The following EPB41L3 variants were observed in gnomAD, a reference collection of about 807,000 sequenced individuals.
The protein encoded by EPB41L3 is erythrocyte membrane protein band 4.1 like 3, also known as band 4.1-like protein 3.
In EPB41L3, 57 loss-of-function variants were observed where a neutral mutation model predicts 127.1. The observed-to-expected ratio is 0.45, with a 90% CI of 0.36 to 0.56. EPB41L3 has a LOEUF of 0.56. Among genes scored for constraint, EPB41L3 ranks in the 20% least tolerant of loss-of-function variants. The pLI, the probability that EPB41L3 is intolerant of heterozygous loss-of-function variation, is 0.00. For missense variants in EPB41L3, 1,273 were observed against 1,372.2 expected (o/e 0.93, Z 1.14); for synonymous variants, 572 against 549.5 (o/e 1.04, Z -0.57).
chr18:5,451,716 C>T (rs1365149763), intron 3 of EPB41L3, among the ~76,000 whole-genome samples: 1 of 152,216 alleles, frequency 6.6e-6, no homozygotes, highest in Non-Finnish European at 1.5e-5. Flanking sequence ...AGCAATGACA[C>T]CGAAGCAATG....
chr18:5,610,247 G>T, intron 3 of EPB41L3: 1 of 985,344 alleles, frequency 1.0e-6, no homozygotes, highest in Non-Finnish European at 1.2e-6. Context: ...GCAAAAAAGA[G>T]AGAGAAAAAA....
intron 1 of EPB41L3, among the ~76,000 whole-genome samples, chr18:5,537,338 T>G (rs1317469632): frequency 6.6e-6 from 1 of 152,224 alleles, no homozygotes; most frequent in African/African-American, 2.4e-5. Flanking sequence ...TCTCATTTTC[T>G]ACCTTAAACA....
Position 5,419,738 on chromosome 18 carries a change from G to A in EPB41L3, c.1479C>T (p.Pro493=), listed in dbSNP as rs748595917. The part of the protein sequence containing the change: ...DKRRKGEEVT[P]ISAIRHEGKS... Reference sequence around the variant, plus strand: ...TTCCCTCGTGCCGGATGGCCGAGATGGGCGTGACTTCTTCCCCCTTCCTCC... The same window carrying A: ...TTCCCTCGTGCCGGATGGCCGAGATAGGCGTGACTTCTTCCCCCTTCCTCC... The change falls in exon 12 of 23, where the codon CCC becomes CCT. Residue 493 remains proline, a synonymous_variant. Transcript: ENST00000341928. 1.3e-5 allele frequency: 21 copies of A among 1,614,064 alleles called. No homozygotes were observed. Among genetic ancestry groups the A allele is most frequent in the Non-Finnish European group, 1.4e-5 (17 of 1,180,046 alleles).
chr18:5,401,963 T>G (rs562159039), intron 16 of EPB41L3, among the ~76,000 whole-genome samples: 5 of 152,238 alleles, frequency 3.3e-5, no homozygotes, highest in Admixed American at 3.3e-4. Flanking sequence ...AAATACATCT[T>G]ATCATTACAA....
intron 1 of EPB41L3, among the ~76,000 whole-genome samples, chr18:5,530,832 G>A (rs2093388234): frequency 6.6e-6 from 1 of 152,166 alleles, no homozygotes; most frequent in Admixed American, 6.5e-5. Context: ...CAGCACTTGG[G>A]AGGCAACAAT....
At chr18:5,396,407 T>C in intron 18 of EPB41L3, 75 bp from the exon 19 acceptor site, 1 of 1,574,454 alleles carries the variant, frequency 6.4e-7, no homozygotes, top group Non-Finnish European at 8.7e-7. Context: ...TTTCCTCTCT[T>C]GGTGGTTATA....
chr18:5,473,253 T>A (rs907690930), intron 3 of EPB41L3, among the ~76,000 whole-genome samples: 1 of 152,102 alleles, frequency 6.6e-6, no homozygotes, highest in Admixed American at 6.6e-5. Flanking sequence ...CCCTCATTAT[T>A]GAATTGGCAA....
chr18:5,438,310 T>C (rs765602425), intron 5 of EPB41L3, among the ~76,000 whole-genome samples, 200 bp from the exon 6 acceptor site: 12 of 152,182 alleles, frequency 7.9e-5, no homozygotes, highest in Non-Finnish European at 1.6e-4. Context: ...CCCAATCAAA[T>C]CCTTTATTGG....
intron 3 of EPB41L3, among the ~76,000 whole-genome samples, chr18:5,474,316 C>T (rs1018729304): frequency 6.6e-6 from 1 of 151,950 alleles, no homozygotes. Context: ...AGAGAAAGCA[C>T]GATCTGAAAA....
At chr18:5,566,221 A>T (rs1331046218) in intron 3 of EPB41L3, among the ~76,000 whole-genome samples, 3 of 152,172 alleles carry the variant, frequency 2.0e-5, no homozygotes, top group Non-Finnish European at 4.4e-5. Flanking sequence ...AAACCCCATC[A>T]TCTCAGCCCA....
At chr18:5,616,767 G>T (rs1225468357) in intron 1 of EPB41L3, among the ~76,000 whole-genome samples, 1 of 152,078 alleles carries the variant, frequency 6.6e-6, no homozygotes, top group East Asian at 1.9e-4. Flanking sequence ...CTTCTGCAAT[G>T]TAAAAAAATC....
intron 3 of EPB41L3, among the ~76,000 whole-genome samples, chr18:5,603,531 G>A (rs954486456): frequency 9.9e-5 from 15 of 152,140 alleles, no homozygotes; most frequent in African/African-American, 3.4e-4. Context: ...GGCAATTACG[G>A]GTTTTGCCAG....
At chr18:5,407,653 A>G in intron 15 of EPB41L3, 48 bp downstream of exon 15, 1 of 1,588,090 alleles carries the variant, frequency 6.3e-7, no homozygotes, top group Non-Finnish European at 8.6e-7. Context: ...CTTATCACAC[A>G]CTGTTGTTTT....
intron 14 of EPB41L3, among the ~76,000 whole-genome samples, chr18:5,408,266 CTTTTTTCT>C (rs1654114681): frequency 1.5e-5 from 1 of 64,538 alleles, no homozygotes; most frequent in South Asian, 8.0e-4. Flanking sequence ...ATTTTCTTTT[CTTTTTTCT>C]TTTTTTTTTT....
intron 3 of EPB41L3, among the ~76,000 whole-genome samples, chr18:5,461,753 G>A (rs1321002984): frequency 1.3e-5 from 2 of 152,112 alleles, no homozygotes; most frequent in East Asian, 3.8e-4. Flanking sequence ...ATCTGACAAG[G>A]GAAATCATGA....
At chr18:5,583,050 G>A (rs190153691) in intron 3 of EPB41L3, among the ~76,000 whole-genome samples, 5 of 152,304 alleles carry the variant, frequency 3.3e-5, no homozygotes, top group East Asian at 1.9e-4. Flanking sequence ...GTGGGAGAAC[G>A]TTGGAAAGAT....
intron 3 of EPB41L3, among the ~76,000 whole-genome samples, chr18:5,474,737 A>G (rs1232605085): frequency 6.6e-6 from 1 of 152,068 alleles, no homozygotes; most frequent in Non-Finnish European, 1.5e-5. Context: ...GGGATTAGGG[A>G]AACAATTCCA....
chr18:5,524,494 C>A (rs886908547), intron 1 of EPB41L3, among the ~76,000 whole-genome samples: 11 of 152,198 alleles, frequency 7.2e-5, no homozygotes, highest in African/African-American at 2.7e-4. Flanking sequence ...TGCACCTGGT[C>A]TGGACTCTTA....
At chr18:5,588,268 G>C (rs1253032589) in intron 3 of EPB41L3, among the ~76,000 whole-genome samples, 1 of 152,032 alleles carries the variant, frequency 6.6e-6, no homozygotes, top group South Asian at 2.1e-4. Flanking sequence ...CCAGTATCCT[G>C]AAGATAGAAC....
Sources: gnomAD v4.1 joint callset for allele counts (sites outside exome capture counted in the v4.1 genomes callset) on GRCh38, gnomAD v4.1.1 for gene constraint, MANE v1.5 for transcripts, NCBI Gene and HGNC (gene_info 2026-07-23, HGNC 2026-07-21) for gene names.